Variants in KIF13A observed in about 807,000 individuals in gnomAD.
The protein encoded by KIF13A is kinesin family member 13A.
In KIF13A, 79 loss-of-function variants were observed where a neutral mutation model predicts 212.2. The ratio of observed to expected loss-of-function variants is 0.37; its 90% confidence interval spans 0.31 to 0.45. KIF13A has a LOEUF of 0.45. Among genes scored for constraint, KIF13A ranks in the 20% least tolerant of loss-of-function variants. KIF13A has a pLI of 1.00. For missense variants in KIF13A, 1,901 were observed against 2,209.0 expected (o/e 0.86, Z 2.79); for synonymous variants, 789 against 808.6 (o/e 0.98, Z 0.41).
chr6:17,895,095 AG>A lies in KIF13A; in HGVS notation c.159+3072del, dbSNP rs766802589. On this transcript the variant is annotated intron_variant, in intron 3 of 38. Coordinates refer to ENST00000259711, the MANE Select transcript of KIF13A (RefSeq NM_022113.6). This position sits in a 1 kb window ranked among gnomAD's most constrained non-coding sequence, Gnocchi z 4.4. ...TTTCGGTTTTGGGTTTTTCAGATTG[AG>A]GATTTATTTCTATTGGGTTATTTTC... 3.3e-5 allele frequency among the ~76,000 whole-genome samples: 5 copies of A among 152,182 alleles called. No homozygotes were observed. Among genetic ancestry groups the A allele is most frequent in the Non-Finnish European group, 5.9e-5 (4 of 68,016 alleles).
Position 17,987,488 on chromosome 6 carries a change from C to A in KIF13A, c.-25G>T. On this transcript the variant is annotated 5_prime_UTR_variant, in exon 1 of 39. Coordinates refer to ENST00000259711, the MANE Select transcript of KIF13A (RefSeq NM_022113.6). The surrounding 1 kb of genome is among the most constrained non-coding windows in gnomAD (Gnocchi z 7.7). Reference sequence around the variant, plus strand: ...TGTTGGCTGCGCTCGCCCGGCCGCTCGCCGCGCCCGCTCGGCCTTAGGCGG... The same window carrying A: ...TGTTGGCTGCGCTCGCCCGGCCGCTAGCCGCGCCCGCTCGGCCTTAGGCGG... The A allele has an allele frequency of 2.4e-6, 3 of 1,248,174 alleles. No homozygotes were observed. The highest frequency in any genetic ancestry group is 1.5e-5 in the South Asian group (1 of 68,298). The allele number at this position is 1,248,174 out of a possible 1,614,324, so 77.3% of individuals were successfully genotyped here.
rs1434822216 is a variant in KIF13A, at chr6:17,918,827, T to TCTC, written c.147-20650_147-20648dup. Among the ~76,000 whole-genome samples the TCTC allele has an allele frequency of 6.6e-6, 1 of 152,140 alleles. No individual in the cohort carries two copies. Among genetic ancestry groups the TCTC allele is most frequent in the East Asian group, 1.9e-4 (1 of 5,188 alleles). On this transcript the variant is annotated intron_variant, in intron 2 of 38. Coordinates refer to ENST00000259711, the MANE Select transcript of KIF13A (RefSeq NM_022113.6). This position sits in a 1 kb window ranked among gnomAD's most constrained non-coding sequence, Gnocchi z 4.8. ...CATCCTGCTTGGCCCTGTCACTCAG[T>TCTC]CTCCTATCACTGTGCTTTGTTTCCT...
chr6:17,877,903 AG>A (rs1212223102), intron 3 of KIF13A, among the ~76,000 whole-genome samples: 3 of 152,222 alleles, frequency 2.0e-5, no homozygotes, highest in Non-Finnish European at 4.4e-5. Flanking sequence ...ACTACAAATC[AG>A]GCCTAGTAGT....
Position 17,781,005 on chromosome 6 carries a change from T to C in KIF13A, c.3670-99A>G, listed in dbSNP as rs1049282377. The C allele has an allele frequency of 1.7e-5, 23 of 1,348,560 alleles. 1 individual carries two copies. In the South Asian group the frequency reaches 2.1e-4, roughly 12 times the overall value. The allele number at this position is 1,348,560 out of a possible 1,614,324, so 83.5% of individuals were successfully genotyped here. On this transcript the variant is annotated intron_variant, in intron 30 of 38. Transcript: ENST00000259711. ...GAGAAAGAAAATAAATTCAACTCAC[T>C]GTAATCAAATAGATTTCTTTCCTCA... is the stretch of plus-strand genomic sequence containing the variant.
rs1450377000 is a variant in KIF13A at position 17,800,086 on chromosome 6, T to C, written c.2482A>G (p.Met828Val). The C allele has an allele frequency of 6.2e-7, 1 of 1,613,886 alleles. No individual in the cohort carries two copies. The highest frequency in any genetic ancestry group is 8.5e-7 in the Non-Finnish European group (1 of 1,179,866). Reference protein sequence around the residue: ...EVAGRLHVEVMRVTGAVPERV... With the variant: ...EVAGRLHVEVVRVTGAVPERV... ...TCTGGAACAGCTCCTGTAACACGCA[T>C]CACTTCCACGTGGAGACGCCCTGCA... is the stretch of plus-strand genomic sequence containing the variant. The change falls in exon 21 of 39, where the codon ATG becomes GTG. Residue 828 changes from methionine to valine, a missense_variant. Coordinates refer to ENST00000259711, the MANE Select transcript of KIF13A (RefSeq NM_022113.6).
downstream of KIF13A, chr6:17,760,986 C>A (rs1363862162): frequency 2.9e-6 from 3 of 1,027,588 alleles, no homozygotes; most frequent in Non-Finnish European, 4.4e-6. Context: ...AGGGGCTCTT[C>A]CTGAAGGGAC....
rs1207954467 is a variant in KIF13A, at chr6:17,826,216, T to C, written c.1533-92A>G. On this transcript the variant is annotated intron_variant, in intron 14 of 38. Transcript: ENST00000259711. This position sits in a 1 kb window ranked among gnomAD's most constrained non-coding sequence, Gnocchi z 4.7. ...AAGAGATAACTAGGGGAGCTTTCTC[T>C]TAATAAATGCATTCCAACTAACGCT... The C allele has an allele frequency of 2.3e-6, 2 of 865,138 alleles. No individual in the cohort carries two copies. Among genetic ancestry groups the C allele is most frequent in the Non-Finnish European group, 3.8e-6 (2 of 528,530 alleles). 53.6% of individuals were successfully genotyped at this position (865,138 alleles called of 1,614,324 possible). A position where few individuals can be genotyped will look rare whatever the true frequency, so the allele number is the denominator to read the frequency against.
chr6:17,860,956 C>T (rs1267689395), intron 4 of KIF13A, among the ~76,000 whole-genome samples: 2 of 151,948 alleles, frequency 1.3e-5, no homozygotes, highest in East Asian at 1.9e-4. Context: ...TAATACCCAC[C>T]GTATCCTCCT....
intron 31 of KIF13A, among the ~76,000 whole-genome samples, chr6:17,780,415 C>T (rs532891439): frequency 6.6e-6 from 1 of 152,332 alleles, no homozygotes; most frequent in South Asian, 2.1e-4. Flanking sequence ...GGTTTTGTCA[C>T]TCACTTGCTT....
intron 6 of KIF13A, among the ~76,000 whole-genome samples, chr6:17,854,013 G>GCCATTTATAATTTATTACTCTTTA (rs1767913212): frequency 1.3e-5 from 2 of 152,060 alleles, no homozygotes; most frequent in Non-Finnish European, 2.9e-5. Context: ...TGCCTTACAG[G>GCCATTTATAATTTATTACTCTTTA]TGTTATAAAT....
In KIF13A at chr6:17,811,859, CTT is replaced by C. The variant is rs398072699; in HGVS notation, c.2001-2931_2001-2930del. On this transcript the variant is annotated intron_variant, in intron 17 of 38. Transcript: ENST00000259711. This position sits in a 1 kb window ranked among gnomAD's most constrained non-coding sequence, Gnocchi z 6.0. Reference sequence around the variant, plus strand: ...TTTCTTTCTTTCCTTCTCTCTCTCTCTTTTTCTTGGAGATAGGGTCTCCCTGT... The same window carrying C: ...TTTCTTTCTTTCCTTCTCTCTCTCTCTTTCTTGGAGATAGGGTCTCCCTGT... Among the ~76,000 whole-genome samples, 2 of 149,834 alleles carry C rather than the reference CTT, an allele frequency of 1.3e-5. No homozygotes were observed. The highest frequency in any genetic ancestry group is 1.3e-4 in the Admixed American group (2 of 14,940).
intron 17 of KIF13A, among the ~76,000 whole-genome samples, chr6:17,810,659 G>C (rs559423427): frequency 6.6e-6 from 1 of 152,304 alleles, no homozygotes; most frequent in East Asian, 1.9e-4. Context: ...GAATCAGTGG[G>C]AGCCCTGAGC....
At chr6:17,858,848 A>C in intron 4 of KIF13A, among the ~76,000 whole-genome samples, 1 of 152,232 alleles carries the variant, frequency 6.6e-6, no homozygotes, top group East Asian at 1.9e-4. Context: ...GAGTTGGCTA[A>C]GTCAAGCATC....
At position 17,884,489 on chromosome 6, in the gene KIF13A, A is replaced by C. The variant is rs74763100; in HGVS notation, c.160-11052T>G. On this transcript the variant is annotated intron_variant, in intron 3 of 38. Transcript: ENST00000259711. The stretch of plus-strand genomic sequence containing the variant: ...ACTCATCTTTATTCTCTCTAGGTAC[A>C]GGATAGTGTAGATGGGTACTCAGTA... 3.3e-5 allele frequency among the ~76,000 whole-genome samples: 5 copies of C among 152,226 alleles called. No individual in the cohort carries two copies. The East Asian group carries it at 9.6e-4, about 29-fold the overall frequency.
chr6:17,893,642 T>C (rs1772267848), intron 3 of KIF13A, among the ~76,000 whole-genome samples: 1 of 152,140 alleles, frequency 6.6e-6, no homozygotes, highest in African/African-American at 2.4e-5. Context: ...GTTAGATCAA[T>C]ATCCTCGCCT....
intron 26 of KIF13A, among the ~76,000 whole-genome samples, chr6:17,788,972 C>T (rs773689979): frequency 6.6e-6 from 1 of 152,222 alleles, no homozygotes; most frequent in African/African-American, 2.4e-5. Flanking sequence ...ATCCACCTGC[C>T]TCGGCCTCCC....
intron 16 of KIF13A, among the ~76,000 whole-genome samples, chr6:17,824,356 T>C (rs997117781): frequency 1.3e-5 from 2 of 152,064 alleles, no homozygotes; most frequent in Non-Finnish European, 2.9e-5. Context: ...CACCATGTGC[T>C]TGCCTTGGCA....
chr6:17,938,887 T>C (rs1321360188), intron 2 of KIF13A, among the ~76,000 whole-genome samples: 1 of 152,050 alleles, frequency 6.6e-6, no homozygotes, highest in Non-Finnish European at 1.5e-5. Context: ...GCACTAATTT[T>C]TATGTATTCA....
chr6:17,861,272 TTTA>T (rs1768753993), intron 4 of KIF13A, among the ~76,000 whole-genome samples: 1 of 152,172 alleles, frequency 6.6e-6, no homozygotes, highest in African/African-American at 2.4e-5. Flanking sequence ...TGGAATACAT[TTTA>T]TTACTATGGC....
Sources: allele counts gnomAD v4.1 joint callset (sites outside exome capture counted in the v4.1 genomes callset), GRCh38; gene constraint gnomAD v4.1.1; non-coding constraint Gnocchi (gnomAD v3.1); transcripts MANE v1.5; gene names NCBI Gene and HGNC (gene_info 2026-07-23, HGNC 2026-07-21).